Variants in AGBL1 observed in about 807,000 individuals in gnomAD.
The protein encoded by AGBL1 is AGBL carboxypeptidase 1.
A neutral mutation model predicts 118.9 loss-of-function variants in AGBL1; 130 were observed. The ratio of observed to expected loss-of-function variants is 1.09; its 90% CI spans 0.95 to 1.26. The LOEUF (loss-of-function observed/expected upper bound fraction) is 1.26. Ranked by LOEUF, AGBL1 falls within the 50% of genes most tolerant of loss-of-function variation. The probability of loss-of-function intolerance (pLI) is 0.00; values close to 1 mark genes in which losing one functional copy is unlikely to be tolerated. For synonymous variants in AGBL1, 555 were observed against 478.9 expected (o/e 1.16, Z -2.08); for missense variants, 1,584 against 1,298.1 (o/e 1.22, Z -3.38).
At chr15:86,440,309 A>G (rs1322025191) in intron 18 of AGBL1, among the ~76,000 whole-genome samples, 1 of 152,096 alleles carries the variant, frequency 6.6e-6, no homozygotes. Flanking sequence ...AATGCTTAAG[A>G]ATACATAATC....
At chr15:86,739,325 C>T (rs1339725882) in intron 22 of AGBL1, among the ~76,000 whole-genome samples, 1 of 151,866 alleles carries the variant, frequency 6.6e-6, no homozygotes, top group Non-Finnish European at 1.5e-5. Flanking sequence ...TGCCTGTAAT[C>T]CCAGCTACTC....
At chr15:86,114,343 A>G (rs911900697) in intron 1 of AGBL1, among the ~76,000 whole-genome samples, 23 of 152,198 alleles carry the variant, frequency 1.5e-4, no homozygotes, top group African/African-American at 5.3e-4. Flanking sequence ...AAGAACTCAG[A>G]GGTGTCACTT....
At chr15:86,409,855 C>G (rs1156973407) in intron 18 of AGBL1, among the ~76,000 whole-genome samples, 1 of 152,100 alleles carries the variant, frequency 6.6e-6, no homozygotes, top group East Asian at 1.9e-4. Context: ...AATGTTTCTC[C>G]TTTCCTTCCT....
intron 23 of AGBL1, among the ~76,000 whole-genome samples, chr15:86,945,740 ATG>A (rs1472228040): frequency 6.6e-6 from 1 of 152,124 alleles, no homozygotes; most frequent in Non-Finnish European, 1.5e-5. Context: ...GTAGAATGAT[ATG>A]TGTGTGCATA....
At chr15:86,440,787 C>T (rs1019419338) in intron 18 of AGBL1, among the ~76,000 whole-genome samples, 3 of 152,274 alleles carry the variant, frequency 2.0e-5, no homozygotes, top group Admixed American at 1.3e-4. Flanking sequence ...GAGCTTCCAT[C>T]AAACTCCAGA....
chr15:86,586,257 A>G lies in AGBL1; in HGVS notation c.2994+31720A>G, dbSNP rs150697462. On this transcript the variant is annotated intron_variant, in intron 21 of 22. Transcript: ENST00000614907. ...CTAGACAAGGTACTAGGGACACCTG[A>G]AAACATTCATAACTGAATGATAACA... Among the ~76,000 whole-genome samples, 879 of 152,334 alleles carry G rather than the reference A, an allele frequency of 5.8e-3. 7 individuals carry two copies. The highest frequency in any genetic ancestry group is 8.3e-3 in the Non-Finnish European group (564 of 68,028).
At chr15:86,740,641 A>G (rs1246842326) in intron 22 of AGBL1, among the ~76,000 whole-genome samples, 4 of 152,200 alleles carry the variant, frequency 2.6e-5, no homozygotes, top group Non-Finnish European at 5.9e-5. Context: ...AGATTAGTAG[A>G]CAGTGTGATT....
intron 6 of AGBL1, 99 bp from the exon 7 acceptor site, chr15:86,247,572 T>G: frequency 1.6e-6 from 2 of 1,214,634 alleles, no homozygotes; most frequent in Non-Finnish European, 2.4e-6. Context: ...ATTCCCTTGA[T>G]GATTAATAAG....
At chr15:86,699,892 AC>A (rs1441449540) in intron 22 of AGBL1, among the ~76,000 whole-genome samples, 1 of 152,082 alleles carries the variant, frequency 6.6e-6, no homozygotes, top group African/African-American at 2.4e-5. Context: ...AAAATTATGC[AC>A]CTACCAGTTT....
intron 5 of AGBL1, among the ~76,000 whole-genome samples, chr15:86,212,967 C>T (rs2078125848): frequency 6.6e-6 from 1 of 152,138 alleles, no homozygotes; most frequent in African/African-American, 2.4e-5. Flanking sequence ...TTATTGAAGT[C>T]TTCCCATATC....
At chr15:86,796,747 C>T (rs146789592) in intron 22 of AGBL1, among the ~76,000 whole-genome samples, 164 of 152,306 alleles carry the variant, frequency 1.1e-3, no homozygotes, top group African/African-American at 3.8e-3. Context: ...TCTGTAGCTG[C>T]TTTTGCTCTA....
At chr15:86,673,847 T>C (rs2085788803) in intron 21 of AGBL1, among the ~76,000 whole-genome samples, 2 of 152,176 alleles carry the variant, frequency 1.3e-5, no homozygotes, top group Admixed American at 6.5e-5. Flanking sequence ...CTTTTCTCCA[T>C]TGGCCGATAA....
At chr15:86,841,446 C>T (rs1474359529) in intron 22 of AGBL1, among the ~76,000 whole-genome samples, 1 of 152,178 alleles carries the variant, frequency 6.6e-6, no homozygotes. Context: ...ATGTTAGTCT[C>T]GAAAGACCTA....
intron 19 of AGBL1, among the ~76,000 whole-genome samples, chr15:86,538,883 C>T (rs973182712): frequency 2.6e-5 from 4 of 152,128 alleles, no homozygotes; most frequent in Non-Finnish European, 4.4e-5. Context: ...CAAGGGGGAC[C>T]TATTAACTTG....
chr15:86,547,589 A>T (rs2083601696), intron 20 of AGBL1, among the ~76,000 whole-genome samples: 1 of 152,142 alleles, frequency 6.6e-6, no homozygotes, highest in South Asian at 2.1e-4. Context: ...TTTGAGGCCC[A>T]GATTAGTGTC....
At chr15:86,568,340 G>A (rs2083948199) in intron 21 of AGBL1, among the ~76,000 whole-genome samples, 1 of 152,084 alleles carries the variant, frequency 6.6e-6, no homozygotes, top group Non-Finnish European at 1.5e-5. Flanking sequence ...ATTCTTAAAA[G>A]GATGAGCAAT....
At chr15:86,436,562 C>T (rs1172587937) in intron 18 of AGBL1, among the ~76,000 whole-genome samples, 3 of 152,112 alleles carry the variant, frequency 2.0e-5, no homozygotes, top group African/African-American at 7.2e-5. Context: ...TGTGTTCCCA[C>T]TAGGTGACAA....
Position 86,914,846 on chromosome 15 carries a change from G to GT in AGBL1, c.*7554dup, listed in dbSNP as rs2080399395. The GT allele has an allele frequency of 6.6e-6, 1 of 152,168 alleles. No individual in the cohort carries two copies. The allele number at this position is 152,168 out of a possible 1,614,324, so 9.4% of individuals were successfully genotyped here. ...CAAGTCTCCATTTCTAGGAAAGTGT[G>GT]TTGTTCTTGTAGATCCTTGACTCAA... On this transcript the variant is annotated 3_prime_UTR_variant, in exon 23 of 23. Coordinates refer to ENST00000614907, the MANE Select transcript of AGBL1 (RefSeq NM_001386094.1).
intron 17 of AGBL1, among the ~76,000 whole-genome samples, chr15:86,395,981 G>GT (rs1567234811): frequency 1.3e-5 from 2 of 151,520 alleles, no homozygotes; most frequent in South Asian, 4.2e-4. Context: ...GAGTAAGATC[G>GT]TATCATGTTT....
Sources: allele counts gnomAD v4.1 joint callset (sites outside exome capture counted in the v4.1 genomes callset), GRCh38; gene constraint gnomAD v4.1.1; transcripts MANE v1.5; gene names NCBI Gene and HGNC (gene_info 2026-07-23, HGNC 2026-07-21).